MATR3: variants seen among roughly 807,000 people sequenced by gnomAD.
MATR3 encodes the protein matrin-3.
MATR3 carries 4 observed loss-of-function variants against 85.5 expected under a neutral mutation model. The observed-to-expected ratio is 0.05, with a 90% CI of 0.02 to 0.11. MATR3 has a LOEUF of 0.11. MATR3 is among the 10% of genes least tolerant of loss of function. MATR3 has a pLI of 1.00. For synonymous variants in MATR3, 336 were observed against 343.1 expected, an observed-to-expected ratio of 0.98 and a Z score of 0.23; for missense variants, 685 against 1,016.1, an observed-to-expected ratio of 0.67 and a Z score of 4.43.
chr5:139,325,487 A>G lies in MATR3; in HGVS notation c.2196A>G (p.Glu732=), dbSNP rs767502982. The G allele has an allele frequency of 2.5e-6, 4 of 1,614,216 alleles. 1 individual carries two copies. The South Asian group carries it at 4.4e-5, about 18-fold the overall frequency. ...ELDQENEAAL[E]NGIKNEENTE... ...ATCAAGAAAACGAAGCAGCGTTGGAAAATGGAATTAAAAATGAGGAAAACA... is the reference window on the plus strand; with the variant it reads ...ATCAAGAAAACGAAGCAGCGTTGGAGAATGGAATTAAAAATGAGGAAAACA... Residue 732 remains glutamate (E), a synonymous_variant, in exon 13 of 15, where the codon GAA becomes GAG. Transcript: ENST00000394805.
chr5:139,329,993 T>G lies in MATR3; in HGVS notation c.*598T>G. The G allele has an allele frequency of 2.2e-6, 1 of 452,924 alleles. No homozygotes were observed. Among genetic ancestry groups the G allele is most frequent in the Middle Eastern group, 6.9e-4 (1 of 1,440 alleles). The allele number at this position is 452,924 out of a possible 1,614,324, so 28.1% of individuals were successfully genotyped here. ...GTAATTGGCTTTAGATTTTGTAATT[T>G]TTTTCCCTGAGTTCCTGCTAGATTT... is the stretch of plus-strand genomic sequence containing the variant. On this transcript the variant is annotated 3_prime_UTR_variant, in exon 15 of 15. Coordinates refer to ENST00000394805, the MANE Select transcript of MATR3 (RefSeq NM_018834.6).
At chr5:139,286,836 T>A (rs1753721304) in intron 3 of MATR3, among the ~76,000 whole-genome samples, 1 of 110,094 alleles carries the variant, frequency 9.1e-6, no homozygotes. Flanking sequence ...AGAGCCAGAC[T>A]CCGTCTCAAA....
chr5:139,330,033 C>T lies in MATR3; in HGVS notation c.*638C>T, dbSNP rs535533417. 2.2e-6 allele frequency: 1 copy of T among 454,258 alleles called. No homozygotes were observed. Among genetic ancestry groups the T allele is most frequent in the Admixed American group, 2.4e-5 (1 of 42,530 alleles). 28.1% of individuals were successfully genotyped at this position (454,258 alleles called of 1,614,324 possible). On this transcript the variant is annotated 3_prime_UTR_variant, in exon 15 of 15. Transcript: ENST00000394805. Reference sequence around the variant, plus strand: ...CTGCTAGATTTCGTATTCTAGTAGTCAATGTATTTTCAGTGAAATGCAAAA... The same window carrying T: ...CTGCTAGATTTCGTATTCTAGTAGTTAATGTATTTTCAGTGAAATGCAAAA...
intron 1 of MATR3, among the ~76,000 whole-genome samples, chr5:139,304,756 G>A (rs1043610856): frequency 3.3e-5 from 5 of 152,274 alleles, no homozygotes; most frequent in African/African-American, 4.8e-5. Context: ...CCTATAGAAA[G>A]GCAATTTTAT....
chr5:139,277,524 T>C (rs190364821), intron 2 of MATR3, among the ~76,000 whole-genome samples: 1 of 152,234 alleles, frequency 6.6e-6, no homozygotes, highest in Admixed American at 6.5e-5. Flanking sequence ...CTTTTACATA[T>C]GGGGTCTTAA....
intron 2 of MATR3, chr5:139,312,400 T>A (rs1488885262): frequency 6.6e-6 from 1 of 152,208 alleles, no homozygotes; most frequent in Admixed American, 6.5e-5. Flanking sequence ...ACCCGGCCCT[T>A]ACAAGCCATT....
chr5:139,288,766 G>A (rs1019700200), upstream of MATR3, among the ~76,000 whole-genome samples: 7 of 152,028 alleles, frequency 4.6e-5, no homozygotes, highest in Middle Eastern at 3.4e-3. Flanking sequence ...TCAACCTCCC[G>A]AGTAGCTGGG....
chr5:139,316,867 A>G (rs1728939179), intron 5 of MATR3, among the ~76,000 whole-genome samples, 186 bp from the exon 6 acceptor site: 1 of 152,192 alleles, frequency 6.6e-6, no homozygotes, highest in African/African-American at 2.4e-5. Context: ...ATTAAAGGCA[A>G]TGATTATAGG....
intron 2 of MATR3, chr5:139,313,433 T>C (rs1352919232): frequency 6.6e-6 from 1 of 152,094 alleles, no homozygotes; most frequent in Non-Finnish European, 1.5e-5. Context: ...TATGAGACTC[T>C]TGTCCCAGTG....
intron 1 of MATR3, among the ~76,000 whole-genome samples, chr5:139,302,401 C>CA (rs1183722890): frequency 6.6e-6 from 1 of 151,968 alleles, no homozygotes; most frequent in East Asian, 1.9e-4. Flanking sequence ...CAGCATACTT[C>CA]AAAAAAACCC....
In MATR3 at chr5:139,307,649, T is replaced by G; in HGVS notation, c.234T>G (p.Thr78=). The G allele has an allele frequency of 6.2e-7, 1 of 1,614,216 alleles. No individual in the cohort carries two copies. The highest frequency in any genetic ancestry group is 8.5e-7 in the Non-Finnish European group (1 of 1,180,042). The change falls in exon 2 of 15, where the codon ACT becomes ACG. Residue 78 remains threonine, a synonymous_variant. Coordinates refer to ENST00000394805, the MANE Select transcript of MATR3 (RefSeq NM_018834.6). This position sits in a 1 kb window ranked among gnomAD's most constrained non-coding sequence, Gnocchi z 4.4. The stretch of plus-strand genomic sequence containing the variant: ...ATAGTGCACTGTCTTCTGCTAGTAC[T>G]TCTTCCCATAATTTGCAGTCTATAT... ...GAHSALSSAS[T]SSHNLQSIFN... is the part of the protein sequence containing the mutation.
At chr5:139,299,178 A>T (rs1398994974) in intron 1 of MATR3, among the ~76,000 whole-genome samples, 1 of 152,214 alleles carries the variant, frequency 6.6e-6, no homozygotes, top group Non-Finnish European at 1.5e-5. Context: ...AATGATTAAA[A>T]GGGGATGCTG....
At chr5:139,322,442 T>C (rs1442385831) in intron 10 of MATR3, 21 bp from the exon 11 acceptor site, 1 of 1,610,734 alleles carries the variant, frequency 6.2e-7, no homozygotes, top group African/African-American at 1.3e-5. Flanking sequence ...TGTTAACTTC[T>C]GCAAAACTTT....
Position 139,329,004 on chromosome 5 carries a change from C to CA in MATR3, c.2494-331dup, listed in dbSNP as rs540997120. ...TGGGCAACAGAGCAAAACTCTCCCT[C>CA]AAAAAAAAAAGAATAAAAGTGCATG... On this transcript the variant is annotated intron_variant, in intron 14 of 14. Coordinates refer to ENST00000394805, the MANE Select transcript of MATR3 (RefSeq NM_018834.6). Among the ~76,000 whole-genome samples, 647 of 146,264 alleles carry CA rather than the reference C, an allele frequency of 4.4e-3. 5 individuals carry two copies. Among genetic ancestry groups the CA allele is most frequent in the Middle Eastern group, 0.011 (3 of 284 alleles).
chr5:139,298,238 C>T (rs1754261331), intron 1 of MATR3, among the ~76,000 whole-genome samples: 2 of 152,248 alleles, frequency 1.3e-5, no homozygotes, highest in Middle Eastern at 6.8e-3. Context: ...TTTGAGCACT[C>T]AACTTAAGCA....
intron 13 of MATR3, among the ~76,000 whole-genome samples, chr5:139,325,882 TC>T (rs1210726471): frequency 2.6e-5 from 4 of 152,228 alleles, no homozygotes; most frequent in African/African-American, 9.6e-5. Context: ...CACAATGTGT[TC>T]CCTTTTTTCG....
intron 10 of MATR3, 37 bp from the exon 11 acceptor site, chr5:139,322,426 C>T (rs1010088810): frequency 6.4e-7 from 1 of 1,573,474 alleles, no homozygotes; most frequent in African/African-American, 1.4e-5. Context: ...GTGTATTCTG[C>T]AAATGTGTTA....
At chr5:139,297,992 C>A (rs948177692) in intron 1 of MATR3, among the ~76,000 whole-genome samples, 1 of 152,012 alleles carries the variant, frequency 6.6e-6, no homozygotes, top group African/African-American at 2.4e-5. Flanking sequence ...AAGCAGAGTG[C>A]CTATGGTAAA....
rs1755420594 is a variant in MATR3, at chr5:139,319,323, A to G, written c.1435-11A>G. ...GCACATTTGTCCTTTTGTTGTTGTT[A>G]TTTATTAAAGAAACCTGAAGGAAAG... On this transcript the variant is annotated splice_polypyrimidine_tract_variant and intron_variant, in intron 8 of 14. Transcript: ENST00000394805. The G allele has an allele frequency of 1.2e-6, 2 of 1,613,368 alleles. No individual in the cohort carries two copies. Among genetic ancestry groups the G allele is most frequent in the East Asian group, 2.2e-5 (1 of 44,884 alleles).
Sources: gnomAD v4.1 joint callset for allele counts (sites outside exome capture counted in the v4.1 genomes callset) on GRCh38, gnomAD v4.1.1 for gene constraint, Gnocchi (gnomAD v3.1) non-coding constraint, MANE v1.5 for transcripts, NCBI Gene and HGNC (gene_info 2026-07-23, HGNC 2026-07-21) for gene names.